Variants in ADAM17 observed in about 807,000 individuals in gnomAD.
ADAM17 encodes the protein disintegrin and metalloproteinase domain-containing protein 17.
A neutral mutation model predicts 96.7 loss-of-function variants in ADAM17; 39 were observed. The observed-to-expected ratio is 0.40, with a 90% confidence interval of 0.31 to 0.53. The LOEUF is 0.53. Among genes scored for constraint, ADAM17 ranks in the 20% least tolerant of loss-of-function variants. The pLI, the probability that ADAM17 is intolerant of heterozygous loss-of-function variation, is 0.44. For missense variants in ADAM17, 777 were observed against 1,013.2 expected (o/e 0.77, Z 3.17); for synonymous variants, 344 against 359.2 (o/e 0.96, Z 0.48).
chr2:9,511,074 C>T (rs1663706272), intron 10 of ADAM17, among the ~76,000 whole-genome samples: 1 of 152,186 alleles, frequency 6.6e-6, no homozygotes, highest in African/African-American at 2.4e-5. Context: ...GTCCAGCCTC[C>T]TCACATGCCC....
At chr2:9,523,438 A>T in intron 6 of ADAM17, 100 bp from the exon 7 acceptor site, 2 of 1,055,494 alleles carry the variant, frequency 1.9e-6, no homozygotes, top group Non-Finnish European at 2.8e-6. Context: ...CTCAGTTTAG[A>T]GGCCATTGCA....
intron 4 of ADAM17, among the ~76,000 whole-genome samples, chr2:9,529,344 G>A (rs558784141): frequency 9.9e-5 from 15 of 152,052 alleles, no homozygotes; most frequent in African/African-American, 2.7e-4. Context: ...CCAGCTACCT[G>A]GGAGGCTGAG....
At chr2:9,513,246 G>A (rs904218702) in intron 10 of ADAM17, among the ~76,000 whole-genome samples, 3 of 152,044 alleles carry the variant, frequency 2.0e-5, no homozygotes, top group East Asian at 1.9e-4. Flanking sequence ...TACCCACCTC[G>A]GCCTCCCAAA....
chr2:9,551,752 C>T (rs1232587182), intron 1 of ADAM17, among the ~76,000 whole-genome samples: 1 of 152,174 alleles, frequency 6.6e-6, no homozygotes, highest in African/African-American at 2.4e-5. Flanking sequence ...AGCCACCGCG[C>T]CTGGCCTAAA....
chr2:9,542,774 T>A (rs72777011), intron 2 of ADAM17, among the ~76,000 whole-genome samples: 2 of 152,148 alleles, frequency 1.3e-5, no homozygotes, highest in Admixed American at 1.3e-4. Flanking sequence ...TCTCGGCTAG[T>A]GCAGCCTCCA....
Position 9,555,642 on chromosome 2 carries a change from A to G in ADAM17, c.-37T>C. 1.3e-6 allele frequency: 2 copies of G among 1,498,932 alleles called. No individual in the cohort carries two copies. The highest frequency in any genetic ancestry group is 2.5e-5 in the South Asian group (2 of 79,712). 92.9% of individuals were successfully genotyped at this position (1,498,932 alleles called of 1,614,324 possible). ...CGCTACCGACTCCACCTCTCTGGGC[A>G]GCCTTCGCCTGACGGGGTTTCGGAA... On this transcript the variant is annotated 5_prime_UTR_variant, in exon 1 of 19. Coordinates refer to ENST00000310823, the MANE Select transcript of ADAM17 (RefSeq NM_003183.6).
At chr2:9,527,748 GT>G in intron 5 of ADAM17, 37 bp downstream of exon 5, 1 of 1,397,484 alleles carries the variant, frequency 7.2e-7, no homozygotes, top group Non-Finnish European at 9.5e-7. Context: ...ATTGTAGTAT[GT>G]TTGTTTCTTA....
rs543390904 is a variant in ADAM17, at chr2:9,514,837, T to C, written c.1191+3064A>G. 3.0e-4 allele frequency among the ~76,000 whole-genome samples: 46 copies of C among 151,766 alleles called. 1 individual carries two copies. In the South Asian group the frequency reaches 9.4e-3, roughly 31 times the overall value. ...TTGCAGTGAGCCAAGATCATGCCAT[T>C]GCACTCCAGCATGGGAGACACAGCG... On this transcript the variant is annotated intron_variant, in intron 10 of 18. Coordinates refer to ENST00000310823, the MANE Select transcript of ADAM17 (RefSeq NM_003183.6).
Position 9,497,225 on chromosome 2 carries a change from G to C in ADAM17, c.1672C>G (p.Pro558Ala). The C allele has an allele frequency of 6.2e-7, 1 of 1,614,202 alleles. No individual in the cohort carries two copies. Among genetic ancestry groups the C allele is most frequent in the Non-Finnish European group, 8.5e-7 (1 of 1,180,024 alleles). ...CTGNSSECPP[P>A]GNAEDDTVCL... Reference sequence around the variant, plus strand: ...ACAGTGTCATCTTCAGCATTTCCTGGAGGCGGGCACTCACTGCTATTACCT... The same window carrying C: ...ACAGTGTCATCTTCAGCATTTCCTGCAGGCGGGCACTCACTGCTATTACCT... The change falls in exon 14 of 19, where the codon CCA (proline) becomes GCA (alanine). Residue 558 changes from proline to alanine, a missense_variant. Physicochemically the swap from Pro to Ala is conservative, Grantham distance 27 (BLOSUM62 -1). This residue lies in a region of ADAM17 where 446 missense variants were observed against 664.7 expected (regional missense o/e 0.67). Coordinates refer to ENST00000310823, the MANE Select transcript of ADAM17 (RefSeq NM_003183.6).
In ADAM17 at chr2:9,490,326, C is replaced by T. The variant is rs764293730; in HGVS notation, c.2326G>A (p.Gly776Arg). ...PSTDSHMDED[G>R]FEKDPFPNSS... is the part of the protein sequence containing the mutation. ...TTTGGGAAGGGGTCCTTCTCAAACCCATCCTCGTCCATATGTGAGTCTGTG... is the reference window on the plus strand; with the variant it reads ...TTTGGGAAGGGGTCCTTCTCAAACCTATCCTCGTCCATATGTGAGTCTGTG... Residue 776 changes from glycine (G) to arginine (R), a missense_variant, in exon 19 of 19, where the codon GGG (glycine) becomes AGG (arginine). Gly to Arg is a moderately radical substitution (Grantham distance 125). Coordinates refer to ENST00000310823, the MANE Select transcript of ADAM17 (RefSeq NM_003183.6). The T allele has an allele frequency of 8.1e-6, 13 of 1,613,970 alleles. No individual in the cohort carries two copies. Among genetic ancestry groups the T allele is most frequent in the Admixed American group, 1.7e-5 (1 of 59,996 alleles).
chr2:9,539,176 C>T (rs934953245), intron 2 of ADAM17, among the ~76,000 whole-genome samples: 1 of 151,150 alleles, frequency 6.6e-6, no homozygotes, highest in Non-Finnish European at 1.5e-5. Flanking sequence ...GGCGCAATCT[C>T]GGCTAACTGC....
At chr2:9,535,092 T>C (rs770738510) in intron 4 of ADAM17, among the ~76,000 whole-genome samples, 38 of 152,230 alleles carry the variant, frequency 2.5e-4, no homozygotes, top group Non-Finnish European at 2.8e-4. Flanking sequence ...TGGATATAAT[T>C]AAAACATATA....
At chr2:9,529,175 C>T (rs999937459) in intron 4 of ADAM17, among the ~76,000 whole-genome samples, 4 of 152,126 alleles carry the variant, frequency 2.6e-5, no homozygotes, top group Admixed American at 2.6e-4. Flanking sequence ...ACAGGCTGGG[C>T]GTGGTGGCTC....
At chr2:9,524,173 A>T (rs1450010584) in intron 6 of ADAM17, among the ~76,000 whole-genome samples, 1 of 152,164 alleles carries the variant, frequency 6.6e-6, no homozygotes, top group Non-Finnish European at 1.5e-5. Flanking sequence ...TCTGGTCAAC[A>T]GTAGACTATT....
Position 9,491,093 on chromosome 2 carries a change from A to G in ADAM17, c.2133+8T>C, listed in dbSNP as rs903700740. 4.3e-6 allele frequency: 7 copies of G among 1,611,600 alleles called. No homozygotes were observed. The highest frequency in any genetic ancestry group is 2.7e-5 in the African/African-American group (2 of 74,854). Reference sequence around the variant, plus strand: ...GAAGATTATGTTTCTTTCATATGGTATACTTACACTGGGGTGAAACAGAGA... The same window carrying G: ...GAAGATTATGTTTCTTTCATATGGTGTACTTACACTGGGGTGAAACAGAGA... On this transcript the variant is annotated splice_region_variant and intron_variant, in intron 18 of 18. Transcript: ENST00000310823.
chr2:9,508,515 T>C (rs1663544371), intron 11 of ADAM17, among the ~76,000 whole-genome samples: 1 of 152,270 alleles, frequency 6.6e-6, no homozygotes, highest in South Asian at 2.1e-4. Flanking sequence ...GTTGAAACCA[T>C]TGCTATAAGT....
At position 9,517,978 on chromosome 2, in the gene ADAM17, G is replaced by C. The variant is rs1226429049; in HGVS notation, c.1114C>G (p.Pro372Ala). Residue 372 changes from proline to alanine, a missense_variant, in exon 10 of 19, where the codon CCA (proline) becomes GCA (alanine). By Grantham distance (27) the Pro-to-Ala change is conservative (BLOSUM62 -1). This residue lies in a region of ADAM17 where 446 missense variants were observed against 664.7 expected (regional missense o/e 0.67). Coordinates refer to ENST00000310823, the MANE Select transcript of ADAM17 (RefSeq NM_003183.6). ...GGVCPKAYYS[P>A]VGKKNIYLNS... ...AAATAGATATTTTTCTTCCCAACTG[G>C]GCTATAATAAGCTAAAGTCAAAAGG... The C allele has an allele frequency of 6.3e-7, 1 of 1,599,642 alleles. No individual in the cohort carries two copies. The highest frequency in any genetic ancestry group is 8.5e-7 in the Non-Finnish European group (1 of 1,175,104).
chr2:9,501,428 C>T (rs1356712222), intron 13 of ADAM17, among the ~76,000 whole-genome samples: 2 of 152,172 alleles, frequency 1.3e-5, no homozygotes, highest in Non-Finnish European at 2.9e-5. Flanking sequence ...TGACACTCCT[C>T]AGTACCCAGA....
chr2:9,509,710 C>A (rs1663625497), intron 11 of ADAM17, among the ~76,000 whole-genome samples: 1 of 151,804 alleles, frequency 6.6e-6, no homozygotes, highest in African/African-American at 2.4e-5. Context: ...TCCAGAACTC[C>A]AAAAAAAGCC....
Sources: allele counts gnomAD v4.1 joint callset (sites outside exome capture counted in the v4.1 genomes callset), GRCh38; gene constraint gnomAD v4.1.1; regional missense constraint gnomAD v4.1.1; transcripts MANE v1.5; gene names NCBI Gene and HGNC (gene_info 2026-07-23, HGNC 2026-07-21).